VEGFD: variants seen among roughly 807,000 people sequenced by gnomAD.
VEGFD encodes vascular endothelial growth factor D, also known as c-fos induced growth factor (vascular endothelial growth factor D).
In VEGFD, 26 loss-of-function variants were observed where a neutral mutation model predicts 28.0. That is an observed-to-expected ratio of 0.93 (90% CI 0.68 to 1.29). The LOEUF is 1.29. Ranked by LOEUF, VEGFD falls within the 50% of genes most tolerant of loss-of-function variation. The pLI, the probability that VEGFD is intolerant of heterozygous loss-of-function variation, is 0.00. For missense variants in VEGFD, 294 were observed against 273.4 expected (o/e 1.08, Z -0.53); for synonymous variants, 93 against 95.5 (o/e 0.97, Z 0.15).
In VEGFD at chrX:15,363,271, C is replaced by A. The variant is rs1923063741; in HGVS notation, c.139G>T (p.Ala47Ser). ...CGAAGTAGTTCCTCCAAACTAGAAG[C>A]AGCCCTGATCTGCTGTTCAGATCGT... is the stretch of plus-strand genomic sequence containing the variant. ...LERSEQQIRA[A>S]SSLEELLRIT... Residue 47 changes from alanine (A) to serine (S), a missense_variant, in exon 2 of 7, where the codon GCT becomes TCT. Transcript: ENST00000297904. 1 of 1,211,599 alleles carries A rather than the reference C, an allele frequency of 8.3e-7. No individual in the cohort carries two copies. The highest frequency in any genetic ancestry group is 1.1e-6 in the Non-Finnish European group (1 of 895,354).
chrX:15,349,341 G>T (rs1471454809), intron 5 of VEGFD, among the ~76,000 whole-genome samples: 1 of 112,539 alleles, frequency 8.9e-6, no homozygotes, highest in East Asian at 2.8e-4. Context: ...CTGTTTGGCA[G>T]AGTCTGTGCT....
At chrX:15,367,747 A>G (rs1347127897) in intron 1 of VEGFD, among the ~76,000 whole-genome samples, 1 of 109,497 alleles carries the variant, frequency 9.1e-6, no homozygotes, top group Non-Finnish European at 1.9e-5. Flanking sequence ...CCTGAGCCCA[A>G]GAGTTCAAGA....
intron 6 of VEGFD, 113 bp from the exon 7 acceptor site, chrX:15,346,372 A>C: frequency 1.2e-6 from 1 of 838,838 alleles, no homozygotes; most frequent in South Asian, 2.7e-5. Context: ...ATGTCAGTAT[A>C]AAATCCTGCA....
intron 1 of VEGFD, among the ~76,000 whole-genome samples, chrX:15,382,459 C>T (rs767436765): frequency 8.9e-6 from 1 of 111,765 alleles, no homozygotes; most frequent in African/African-American, 3.3e-5. Flanking sequence ...CTTTATTATA[C>T]CATCAGATAA....
At chrX:15,358,446 C>T (rs1187727288) in intron 2 of VEGFD, among the ~76,000 whole-genome samples, 1 of 111,924 alleles carries the variant, frequency 8.9e-6, no homozygotes, top group Non-Finnish European at 1.9e-5. Context: ...AGGTAGAACA[C>T]CATGTCCTGT....
intron 5 of VEGFD, among the ~76,000 whole-genome samples, chrX:15,348,895 G>A (rs1451831972): frequency 8.9e-6 from 1 of 112,666 alleles, no homozygotes; most frequent in Non-Finnish European, 1.9e-5. Flanking sequence ...GAAGCAGGCC[G>A]ATGTATGGAG....
intron 5 of VEGFD, among the ~76,000 whole-genome samples, chrX:15,350,453 A>AC (rs1440214581): frequency 8.9e-6 from 1 of 112,757 alleles, no homozygotes. Flanking sequence ...CAGCCAATGA[A>AC]CGGTCTACAG....
At chrX:15,371,593 C>G (rs1217745871) in intron 1 of VEGFD, among the ~76,000 whole-genome samples, 1 of 111,756 alleles carries the variant, frequency 8.9e-6, no homozygotes, top group African/African-American at 3.2e-5. Context: ...GAAAGTAAAT[C>G]TGATGGCTCA....
rs148220956 is a variant in VEGFD at position 15,373,924 on chromosome X, T to C, written c.90+9933A>G. Reference sequence around the variant, plus strand: ...CACTCCCGGCCTTCCTCAGCAGATGTTCTCCCTCCCCCACCTGTCGAGGTA... The same window carrying C: ...CACTCCCGGCCTTCCTCAGCAGATGCTCTCCCTCCCCCACCTGTCGAGGTA... On this transcript the variant is annotated intron_variant, in intron 1 of 6. Transcript: ENST00000297904. Among the ~76,000 whole-genome samples, 38 of 111,406 alleles carry C rather than the reference T, an allele frequency of 3.4e-4. 1 individual carries two copies. In the East Asian group the frequency reaches 0.01, roughly 31 times the overall value.
At chrX:15,353,226 G>T in intron 4 of VEGFD, 58 bp from the exon 5 acceptor site, 1 of 644,365 alleles carries the variant, frequency 1.6e-6, no homozygotes, top group South Asian at 3.2e-5. Context: ...TCAAAACTTT[G>T]GAACATTAAA....
intron 1 of VEGFD, among the ~76,000 whole-genome samples, chrX:15,368,035 G>GAAAGGAAGGAAAGAAGA (rs778478507): frequency 2.7e-5 from 1 of 37,432 alleles, no homozygotes; most frequent in African/African-American, 1.1e-4. Flanking sequence ...AGAAAGGAAA[G>GAAAGGAAGGAAAGAAGA]AAGAAAGAAA....
chrX:15,375,079 T>C (rs1196526986), intron 1 of VEGFD, among the ~76,000 whole-genome samples: 2 of 111,454 alleles, frequency 1.8e-5, no homozygotes, highest in Non-Finnish European at 3.8e-5. Flanking sequence ...GCCCCTGATA[T>C]TCCTTAGAAG....
intron 1 of VEGFD, among the ~76,000 whole-genome samples, chrX:15,370,846 A>C (rs1923289321): frequency 1.8e-5 from 2 of 109,747 alleles, no homozygotes; most frequent in South Asian, 7.8e-4. Context: ...TACATGACAA[A>C]GTGGGGCTCC....
At position 15,368,039 on chromosome X, in the gene VEGFD, A is replaced by G. The variant is rs865965048; in HGVS notation, c.91-4720T>C. On this transcript the variant is annotated intron_variant, in intron 1 of 6. Transcript: ENST00000297904. ...GAAAGAAAGAAAGAAAGGAAAGAAGAAAGAAAGAAAGAAGAAAGAAAGGAA... is the reference window on the plus strand; with the variant it reads ...GAAAGAAAGAAAGAAAGGAAAGAAGGAAGAAAGAAAGAAGAAAGAAAGGAA... Among the ~76,000 whole-genome samples the G allele has an allele frequency of 3.8e-4, 39 of 103,912 alleles. 1 individual carries two copies. Among genetic ancestry groups the G allele is most frequent in the Admixed American group, 4.1e-4 (4 of 9,705 alleles). 90.2% of individuals were successfully genotyped at this position (103,912 alleles called of 115,157 possible).
intron 1 of VEGFD, among the ~76,000 whole-genome samples, chrX:15,383,291 C>T (rs6632521): frequency 0.31 from 34,719 of 111,248 alleles, 4,488 homozygotes; most frequent in African/African-American, 0.49. Context: ...TGCTTGCTCA[C>T]AGAACCAAAG....
intron 1 of VEGFD, among the ~76,000 whole-genome samples, chrX:15,365,428 T>C (rs1923122436): frequency 8.9e-6 from 1 of 112,333 alleles, no homozygotes; most frequent in South Asian, 3.7e-4. Context: ...CCGCTGCGCC[T>C]GGCCAACAAT....
At chrX:15,375,949 G>A (rs185976309) in intron 1 of VEGFD, among the ~76,000 whole-genome samples, 1 of 111,301 alleles carries the variant, frequency 9.0e-6, no homozygotes, top group African/African-American at 3.3e-5. Context: ...ACATAACTGT[G>A]CTTAGGATAT....
Position 15,353,127 on chromosome X carries a change from C to T in VEGFD, c.683G>A (p.Trp228Ter), listed in dbSNP as rs767480637. Residue 228 changes from tryptophan (W) to a stop codon, truncating the protein, a stop_gained, in exon 5 of 7, where the codon TGG becomes TAG. Coordinates refer to ENST00000297904, the MANE Select transcript of VEGFD (RefSeq NM_004469.5). LOFTEE classifies it high-confidence loss of function. ...AACACATTTACATTTGTTGCTATCCCATAGCATGTCAATAGGACAGAGTTT... is the reference window on the plus strand; with the variant it reads ...AACACATTTACATTTGTTGCTATCCTATAGCATGTCAATAGGACAGAGTTT... ...SKKLCPIDML[W>*]DSNKCKCVLQ... 3 of 1,181,525 alleles carry T rather than the reference C, an allele frequency of 2.5e-6. No homozygotes were observed. The East Asian group carries it at 9.3e-5, about 36-fold the overall frequency.
At chrX:15,355,859 G>C (rs1232075541) in intron 3 of VEGFD, among the ~76,000 whole-genome samples, 1 of 111,921 alleles carries the variant, frequency 8.9e-6, no homozygotes, top group African/African-American at 3.3e-5. Flanking sequence ...GGGAAACATA[G>C]AAGTTGACTT....
Sources: gnomAD v4.1 joint callset for allele counts (sites outside exome capture counted in the v4.1 genomes callset) on GRCh38, gnomAD v4.1.1 for gene constraint, MANE v1.5 for transcripts, NCBI Gene and HGNC (gene_info 2026-07-23, HGNC 2026-07-21) for gene names.